Variants in NIBAN1 observed in about 807,000 individuals in gnomAD.
The protein encoded by NIBAN1 is niban apoptosis regulator 1.
NIBAN1 carries 81 observed loss-of-function variants against 75.1 expected under a neutral mutation model. The ratio of observed to expected loss-of-function variants is 1.08; its 90% CI spans 0.90 to 1.30. The LOEUF is 1.30. Ranked by LOEUF, NIBAN1 falls within the 50% of genes most tolerant of loss-of-function variation. The pLI, the probability that NIBAN1 is intolerant of heterozygous loss-of-function variation, is 0.00. For synonymous variants in NIBAN1, 436 were observed against 424.8 expected, an observed-to-expected ratio of 1.03 and a Z score of -0.32; for missense variants, 1,133 against 1,128.1, an observed-to-expected ratio of 1.00 and a Z score of -0.06.
rs771167040 is a variant in NIBAN1 at position 184,795,883 on chromosome 1, C to T, written c.1881G>A (p.Gln627=). 6.2e-7 allele frequency: 1 copy of T among 1,613,322 alleles called. No individual in the cohort carries two copies. The highest frequency in any genetic ancestry group is 8.5e-7 in the Non-Finnish European group (1 of 1,179,658). The change falls in exon 14 of 14, where the codon CAG becomes CAA. Residue 627 remains glutamine, a synonymous_variant. Transcript: ENST00000367511. ...TGGCCAACGAGCTAGGGACCTCAGGCTGCTTCTCTTCCTCTGACTCCTGGA... is the reference window on the plus strand; with the variant it reads ...TGGCCAACGAGCTAGGGACCTCAGGTTGCTTCTCTTCCTCTGACTCCTGGA... ...EVFQESEEEK[Q]PEVPSSLAKG...
chr1:184,912,127 T>C (rs1657257654), intron 1 of NIBAN1, among the ~76,000 whole-genome samples: 1 of 152,194 alleles, frequency 6.6e-6, no homozygotes, highest in South Asian at 2.1e-4. Flanking sequence ...TTTTTTTCAC[T>C]CACATTATGA....
intron 1 of NIBAN1, among the ~76,000 whole-genome samples, chr1:184,915,002 G>A (rs892634662): frequency 6.6e-6 from 1 of 152,192 alleles, no homozygotes; most frequent in Non-Finnish European, 1.5e-5. Context: ...GATTACAGGC[G>A]TGAGCCACTG....
chr1:184,809,605 G>A (rs1422749234), intron 9 of NIBAN1, among the ~76,000 whole-genome samples: 1 of 150,230 alleles, frequency 6.7e-6, no homozygotes, highest in Non-Finnish European at 1.5e-5. Flanking sequence ...GTATATGTGT[G>A]TGTATATATA....
intron 5 of NIBAN1, 35 bp downstream of exon 5, chr1:184,884,598 C>A (rs768748016): frequency 6.2e-7 from 1 of 1,609,990 alleles, no homozygotes; most frequent in Admixed American, 1.7e-5. Flanking sequence ...TGCCCCACTT[C>A]CCGCCCCGGG....
chr1:184,878,651 C>A (rs1366036119), intron 5 of NIBAN1, among the ~76,000 whole-genome samples: 1 of 152,232 alleles, frequency 6.6e-6, no homozygotes, highest in African/African-American at 2.4e-5. Context: ...ATTTGCTTCA[C>A]TCTGGATCAT....
intron 5 of NIBAN1, among the ~76,000 whole-genome samples, chr1:184,861,046 C>A (rs1484800141): frequency 2.0e-5 from 3 of 152,166 alleles, no homozygotes; most frequent in Non-Finnish European, 2.9e-5. Context: ...GGTCAGCAAA[C>A]TTTTTCTGTA....
In NIBAN1 at chr1:184,899,417, C is replaced by T. The variant is rs1022933290; in HGVS notation, c.56-108G>A. ...GTCTCTCTGTTTCTATCCCTCCAGT[C>T]ACCCCTGTTTCTATCCCTCCAGTCA... On this transcript the variant is annotated intron_variant, in intron 1 of 13. Coordinates refer to ENST00000367511, the MANE Select transcript of NIBAN1 (RefSeq NM_052966.4). 72 of 1,180,052 alleles carry T rather than the reference C, an allele frequency of 6.1e-5. 1 individual carries two copies. Among genetic ancestry groups the T allele is most frequent in the Non-Finnish European group, 5.3e-5 (44 of 835,622 alleles). 73.1% of individuals were successfully genotyped at this position (1,180,052 alleles called of 1,614,324 possible). A position where few individuals can be genotyped will look rare whatever the true frequency, so the allele number is the denominator to read the frequency against.
At chr1:184,839,316 AG>A (rs1359226985) in intron 5 of NIBAN1, among the ~76,000 whole-genome samples, 1 of 152,204 alleles carries the variant, frequency 6.6e-6, no homozygotes, top group Non-Finnish European at 1.5e-5. Flanking sequence ...AGATAATTTT[AG>A]ATTATCTCAA....
At chr1:184,843,311 T>A (rs1227137832) in intron 5 of NIBAN1, among the ~76,000 whole-genome samples, 2 of 152,224 alleles carry the variant, frequency 1.3e-5, no homozygotes, top group Non-Finnish European at 2.9e-5. Flanking sequence ...AGCTTGTCTG[T>A]GATAGCTTTC....
intron 1 of NIBAN1, among the ~76,000 whole-genome samples, chr1:184,961,225 C>A (rs1261401306): frequency 3.0e-4 from 46 of 151,790 alleles, no homozygotes; most frequent in Non-Finnish European, 1.5e-5. Context: ...CCTGCCGCCA[C>A]GCCTGGCTAA....
At chr1:184,902,815 A>G (rs1656986688) in intron 1 of NIBAN1, among the ~76,000 whole-genome samples, 1 of 152,210 alleles carries the variant, frequency 6.6e-6, no homozygotes, top group Admixed American at 6.6e-5. Context: ...TCTCTCTCTG[A>G]GCCTCAATTT....
At chr1:184,928,274 A>G (rs1398707007) in intron 1 of NIBAN1, among the ~76,000 whole-genome samples, 1 of 152,080 alleles carries the variant, frequency 6.6e-6, no homozygotes, top group Non-Finnish European at 1.5e-5. Context: ...AGAAGGAAGG[A>G]GTCTTTCCAG....
At chr1:184,803,480 C>A (rs112474824) in intron 12 of NIBAN1, 105 bp downstream of exon 12, 48 of 810,224 alleles carry the variant, frequency 5.9e-5, no homozygotes, top group African/African-American at 4.3e-4. Context: ...GTCTGCCAAT[C>A]CCTCCCTGGT....
chr1:184,801,624 TC>T (rs1389394022), intron 12 of NIBAN1, among the ~76,000 whole-genome samples: 2 of 152,174 alleles, frequency 1.3e-5, no homozygotes, highest in African/African-American at 4.8e-5. Context: ...TTTGGCACTT[TC>T]CTTGGAACTC....
At chr1:184,834,584 G>A (rs1298556738) in intron 5 of NIBAN1, among the ~76,000 whole-genome samples, 2 of 152,182 alleles carry the variant, frequency 1.3e-5, no homozygotes, top group Non-Finnish European at 2.9e-5. Flanking sequence ...CTGTGGTTGT[G>A]ATTTGTGTTT....
intron 9 of NIBAN1, among the ~76,000 whole-genome samples, chr1:184,816,412 A>G (rs1232490928): frequency 1.3e-5 from 2 of 152,212 alleles, no homozygotes; most frequent in African/African-American, 4.8e-5. Context: ...ACCCAAAATG[A>G]TGGTAACTGA....
intron 5 of NIBAN1, among the ~76,000 whole-genome samples, chr1:184,875,737 A>T (rs181348000): frequency 6.6e-6 from 1 of 152,382 alleles, no homozygotes; most frequent in African/African-American, 2.4e-5. Context: ...TGAGCTAAGC[A>T]TCTACCTGGA....
chr1:184,800,973 T>C (rs1374122752), intron 12 of NIBAN1, among the ~76,000 whole-genome samples: 1 of 152,152 alleles, frequency 6.6e-6, no homozygotes, highest in Non-Finnish European at 1.5e-5. Flanking sequence ...ATCCCTTAAC[T>C]CTCTCTCCTT....
At chr1:184,957,244 A>G (rs931320925) in intron 1 of NIBAN1, among the ~76,000 whole-genome samples, 2 of 152,098 alleles carry the variant, frequency 1.3e-5, no homozygotes, top group South Asian at 2.1e-4. Context: ...GTGTCTTCCT[A>G]TTGTCCTTCC....
Sources: gnomAD v4.1 joint callset for allele counts (sites outside exome capture counted in the v4.1 genomes callset) on GRCh38, gnomAD v4.1.1 for gene constraint, MANE v1.5 for transcripts, NCBI Gene and HGNC (gene_info 2026-07-23, HGNC 2026-07-21) for gene names.